Variants in GNG7 observed in about 807,000 individuals in gnomAD.
GNG7 encodes the protein G protein subunit gamma 7.
GNG7 carries 1 observed loss-of-function variant against 4.0 expected under a neutral mutation model. That is an observed-to-expected ratio of 0.25 (90% confidence interval 0.09 to 1.18). The LOEUF (loss-of-function observed/expected upper bound fraction) is 1.18. Ranked by LOEUF, GNG7 falls within the 50% of genes most tolerant of loss-of-function variation. The pLI is 0.50. For missense variants in GNG7, 86 were observed against 91.9 expected, an observed-to-expected ratio of 0.94 and a Z score of 0.26; for synonymous variants, 34 against 36.9, an observed-to-expected ratio of 0.92 and a Z score of 0.29.
intron 1 of GNG7, among the ~76,000 whole-genome samples, chr19:2,650,503 AG>A (rs1399895065): frequency 6.6e-6 from 1 of 152,182 alleles, no homozygotes; most frequent in Non-Finnish European, 1.5e-5. Flanking sequence ...ATCATTTTTA[AG>A]ATGAGTTCTC....
At chr19:2,588,272 C>G (rs1980735775) in intron 2 of GNG7, among the ~76,000 whole-genome samples, 1 of 152,172 alleles carries the variant, frequency 6.6e-6, no homozygotes, top group South Asian at 2.1e-4. Context: ...TGTTTGTGCA[C>G]TGGGAGAGTC....
intron 3 of GNG7, among the ~76,000 whole-genome samples, chr19:2,541,288 A>T (rs1320193079): frequency 6.6e-6 from 1 of 152,126 alleles, no homozygotes; most frequent in Non-Finnish European, 1.5e-5. Context: ...CTGGGGCAAC[A>T]CAGTGAGACC....
intron 2 of GNG7, among the ~76,000 whole-genome samples, chr19:2,567,324 C>T (rs537187948): frequency 4.9e-5 from 1 of 20,480 alleles, no homozygotes; most frequent in South Asian, 1.1e-3. Flanking sequence ...TCTCAGTTGT[C>T]GTCGATTTGT....
Position 2,575,948 on chromosome 19 carries a change from GGCAGACACAT to G in GNG7, c.-77-20770_-77-20761del, listed in dbSNP as rs571772764. ...ACACAGGCACATACAGACACACAAA[GGCAGACACAT>G]GCAGACACAGGCACATGCAGGCAGA... is the stretch of plus-strand genomic sequence containing the variant. On this transcript the variant is annotated intron_variant, in intron 2 of 4. Transcript: ENST00000382159. Among the ~76,000 whole-genome samples the G allele has an allele frequency of 1.9e-4, 23 of 118,372 alleles. No homozygotes were observed. The South Asian group carries it at 4.6e-3, about 24-fold the overall frequency. 77.7% of individuals were successfully genotyped at this position (118,372 alleles called of 152,430 possible).
intron 3 of GNG7, among the ~76,000 whole-genome samples, chr19:2,536,271 A>T (rs1978732739): frequency 6.6e-6 from 1 of 151,872 alleles, no homozygotes; most frequent in African/African-American, 2.4e-5. Flanking sequence ...CAAAAACAGT[A>T]GCTGGGTGTG....
chr19:2,526,115 C>T (rs570574993), intron 3 of GNG7, among the ~76,000 whole-genome samples: 4 of 152,096 alleles, frequency 2.6e-5, no homozygotes, highest in East Asian at 1.9e-4. Flanking sequence ...AGACTACAGG[C>T]GCCCGCCACC....
intron 3 of GNG7, among the ~76,000 whole-genome samples, chr19:2,523,596 C>T (rs1430078405): frequency 2.6e-5 from 4 of 152,222 alleles, no homozygotes; most frequent in Middle Eastern, 3.4e-3. Context: ...CACAAGCCTA[C>T]ATGAGTGATA....
intron 2 of GNG7, among the ~76,000 whole-genome samples, chr19:2,597,298 A>G (rs944413824): frequency 6.6e-6 from 1 of 152,220 alleles, no homozygotes; most frequent in African/African-American, 2.4e-5. Context: ...ACTCCATTAT[A>G]TAATAATGCT....
chr19:2,592,745 G>GGAGGA (rs1455989374), intron 2 of GNG7, among the ~76,000 whole-genome samples: 1 of 138,262 alleles, frequency 7.2e-6, no homozygotes, highest in Admixed American at 7.5e-5. Context: ...GGAAGGAAGG[G>GGAGGA]GAGGGGAGGG....
Position 2,539,367 on chromosome 19 carries a change from G to A in GNG7, c.-38+15782C>T, listed in dbSNP as rs576584544. On this transcript the variant is annotated intron_variant, in intron 3 of 4. Coordinates refer to ENST00000382159, the MANE Select transcript of GNG7 (RefSeq NM_052847.3). ...GTCACCCAGGCTGGAGTACAAAGGC[G>A]TGATCTCGGCTCACTGCAACCTTTG... Among the ~76,000 whole-genome samples the A allele has an allele frequency of 8.6e-5, 13 of 150,474 alleles. No individual in the cohort carries two copies. The South Asian group carries it at 1.5e-3, about 17-fold the overall frequency.
At chr19:2,648,633 C>T (rs1982729916) in intron 1 of GNG7, among the ~76,000 whole-genome samples, 1 of 152,224 alleles carries the variant, frequency 6.6e-6, no homozygotes, top group South Asian at 2.1e-4. Flanking sequence ...TCACTGTCAC[C>T]TGCAGGTGGT....
At chr19:2,638,452 A>G (rs1599434512) in intron 2 of GNG7, among the ~76,000 whole-genome samples, 2 of 31,592 alleles carry the variant, frequency 6.3e-5, no homozygotes, top group Non-Finnish European at 6.3e-5. Flanking sequence ...GGGGGAGGGG[A>G]GGGGGAGGGA....
chr19:2,609,091 A>G lies in GNG7; in HGVS notation c.-78+37133T>C, dbSNP rs964138481. On this transcript the variant is annotated intron_variant, in intron 2 of 4. Transcript: ENST00000382159. The surrounding 1 kb of genome is among the most constrained non-coding windows in gnomAD (Gnocchi z 4.4). ...TTCCAGGCTGGAGTGCAGTGGTGCG[A>G]TCTTGGCTCACCGCAACCTCTGCCT... Among the ~76,000 whole-genome samples, 2 of 151,612 alleles carry G rather than the reference A, an allele frequency of 1.3e-5. No individual in the cohort carries two copies. Among genetic ancestry groups the G allele is most frequent in the Non-Finnish European group, 2.9e-5 (2 of 67,960 alleles).
At chr19:2,643,138 C>A (rs1297167541) in intron 2 of GNG7, 1 of 454,524 alleles carries the variant, frequency 2.2e-6, no homozygotes, top group Non-Finnish European at 4.4e-6. Context: ...GCTCTGCACA[C>A]CTTCCCACCC....
In GNG7 at chr19:2,698,496, G is replaced by A. The variant is rs983118688; in HGVS notation, c.-135+4150C>T. On this transcript the variant is annotated intron_variant, in intron 1 of 4. Transcript: ENST00000382159. ...GAAGAATTGCTTGAGCCCTGGAGGC[G>A]GAGGTTGCAGTGAGCCAAGATTGCA... is the stretch of plus-strand genomic sequence containing the variant. Among the ~76,000 whole-genome samples, 22 of 151,528 alleles carry A rather than the reference G, an allele frequency of 1.5e-4. 1 individual carries two copies. The highest frequency in any genetic ancestry group is 5.1e-4 in the African/African-American group (21 of 41,302).
Position 2,557,138 on chromosome 19 carries a change from ACT to A in GNG7, c.-77-1952_-77-1951del, listed in dbSNP as rs1979576811. ...ACACACGTACACACGTGTACTGCAC[ACT>A]CACGCACATGCACACAAAGACACGC... is the stretch of plus-strand genomic sequence containing the variant. On this transcript the variant is annotated intron_variant, in intron 2 of 4. Coordinates refer to ENST00000382159, the MANE Select transcript of GNG7 (RefSeq NM_052847.3). The surrounding 1 kb of genome is among the most constrained non-coding windows in gnomAD (Gnocchi z 5.1). 6.6e-6 allele frequency among the ~76,000 whole-genome samples: 1 copy of A among 151,418 alleles called. No homozygotes were observed. The highest frequency in any genetic ancestry group is 6.6e-5 in the Admixed American group (1 of 15,210).
At chr19:2,686,005 C>A (rs928246796) in intron 1 of GNG7, among the ~76,000 whole-genome samples, 1 of 152,154 alleles carries the variant, frequency 6.6e-6, no homozygotes, top group Non-Finnish European at 1.5e-5. Flanking sequence ...CAGCCCCCAC[C>A]GATATCCTGC....
At chr19:2,550,892 A>G (rs963345298) in intron 3 of GNG7, among the ~76,000 whole-genome samples, 5 of 152,176 alleles carry the variant, frequency 3.3e-5, no homozygotes, top group Non-Finnish European at 7.4e-5. Context: ...GCTGAGGATC[A>G]GGGAGGCGTC....
intron 3 of GNG7, among the ~76,000 whole-genome samples, chr19:2,547,250 C>T (rs778754033): frequency 5.9e-5 from 9 of 152,124 alleles, no homozygotes; most frequent in East Asian, 1.9e-4. Context: ...CTGCTGCACA[C>T]GACCCATGTT....
Sources: allele counts gnomAD v4.1 joint callset (sites outside exome capture counted in the v4.1 genomes callset), GRCh38; gene constraint gnomAD v4.1.1; non-coding constraint Gnocchi (gnomAD v3.1); transcripts MANE v1.5; gene names NCBI Gene and HGNC (gene_info 2026-07-23, HGNC 2026-07-21).